The following NET1 variants were observed in gnomAD, a reference collection of about 807,000 sequenced individuals.
The protein encoded by NET1 is neuroepithelial cell transforming 1.
In NET1, 42 loss-of-function variants were observed where a neutral mutation model predicts 61.1. The observed-to-expected ratio is 0.69, with a 90% confidence interval of 0.54 to 0.89. The LOEUF (loss-of-function observed/expected upper bound fraction) is 0.89. Ranked by LOEUF, NET1 falls within the 40% of genes least tolerant of loss-of-function variation. The pLI is 0.00. For synonymous variants in NET1, 254 were observed against 281.8 expected, an observed-to-expected ratio of 0.90 and a Z score of 0.99; for missense variants, 654 against 747.3, an observed-to-expected ratio of 0.88 and a Z score of 1.46.
rs1359515175 is a variant in NET1, at chr10:5,452,481, A to G, written c.487A>G (p.Thr163Ala). The G allele has an allele frequency of 6.2e-6, 10 of 1,614,114 alleles. No individual in the cohort carries two copies. The highest frequency in any genetic ancestry group is 8.5e-6 in the Non-Finnish European group (10 of 1,179,980). Residue 163 changes from threonine to alanine, a missense_variant, in exon 5 of 12, where the codon ACC becomes GCC. Physicochemically the swap from Thr to Ala is moderately conservative, Grantham distance 58. Coordinates refer to ENST00000355029, the MANE Select transcript of NET1 (RefSeq NM_001047160.3). This position sits in a 1 kb window ranked among gnomAD's most constrained non-coding sequence, Gnocchi z 4.0. ...ACTGTGGTCAGAGATGCTGGACATCACCATGAAGGAGTCTCTCACCACCAG... is the reference window on the plus strand; with the variant it reads ...ACTGTGGTCAGAGATGCTGGACATCGCCATGAAGGAGTCTCTCACCACCAG... ...SALWSEMLDI[T>A]MKESLTTREI... is the part of the protein sequence containing the mutation.
Position 5,421,529 on chromosome 10 carries a change from T to C in NET1, c.129-5126T>C, listed in dbSNP as rs772332538. Among the ~76,000 whole-genome samples, 38 of 152,202 alleles carry C rather than the reference T, an allele frequency of 2.5e-4. No individual in the cohort carries two copies. The highest frequency in any genetic ancestry group is 5.4e-4 in the Non-Finnish European group (37 of 68,030). Reference sequence around the variant, plus strand: ...AAAGGTATAGCCTTAAATCAATTCTTGACAACCCAGGATCTTTATTATTAG... The same window carrying C: ...AAAGGTATAGCCTTAAATCAATTCTCGACAACCCAGGATCTTTATTATTAG... On this transcript the variant is annotated intron_variant, in intron 1 of 11. Transcript: ENST00000355029. This position sits in a 1 kb window ranked among gnomAD's most constrained non-coding sequence, Gnocchi z 4.2.
Position 5,446,639 on chromosome 10 carries a change from AT to A in NET1, c.256-5190del. On this transcript the variant is annotated intron_variant, in intron 3 of 11. Coordinates refer to ENST00000355029, the MANE Select transcript of NET1 (RefSeq NM_001047160.3). The surrounding 1 kb of genome is among the most constrained non-coding windows in gnomAD (Gnocchi z 5.0). ...CCTCTGCTCCACCGCGGCGAGAGGCATGGGCACGTGGCTGCCGAGGGTGGCC... is the reference window on the plus strand; with the variant it reads ...CCTCTGCTCCACCGCGGCGAGAGGCAGGGCACGTGGCTGCCGAGGGTGGCC... 7.7e-7 allele frequency: 1 copy of A among 1,290,968 alleles called. No homozygotes were observed. Among genetic ancestry groups the A allele is most frequent in the Non-Finnish European group, 9.9e-7 (1 of 1,014,436 alleles). The allele number at this position is 1,290,968 out of a possible 1,614,324, so 80.0% of individuals were successfully genotyped here.
Position 5,456,670 on chromosome 10 carries a change from G to A in NET1, c.1467G>A (p.Lys489=), listed in dbSNP as rs758258816. The A allele has an allele frequency of 6.8e-6, 11 of 1,613,580 alleles. No homozygotes were observed. The highest frequency in any genetic ancestry group is 1.6e-4 in the Middle Eastern group (1 of 6,062). Residue 489 remains lysine (K), a synonymous_variant, in exon 12 of 12, where the codon AAG becomes AAA. Coordinates refer to ENST00000355029, the MANE Select transcript of NET1 (RefSeq NM_001047160.3). This position sits in a 1 kb window ranked among gnomAD's most constrained non-coding sequence, Gnocchi z 7.0. ...HTLQANDVFH[K]QQWFNCIRAA... is the part of the protein sequence containing the mutation. ...TGCAAGCCAATGACGTGTTCCACAA[G>A]CAGCAGTGGTTCAACTGTATTCGAG...
chr10:5,448,996 T>C (rs1161260321), intron 3 of NET1, among the ~76,000 whole-genome samples: 1 of 152,200 alleles, frequency 6.6e-6, no homozygotes, highest in East Asian at 1.9e-4. Flanking sequence ...AAACTACTTT[T>C]GGTTTCGGCT....
rs372889641 is a variant in NET1 at position 5,419,644 on chromosome 10, ATGGTATTTCTTG to A, written c.128+6826_128+6837del. On this transcript the variant is annotated intron_variant, in intron 1 of 11. Transcript: ENST00000355029. ...CACTGGCTTTCAGCCAGAAATTCTT[ATGGTATTTCTTG>A]TAAGGCAAGTCCGCTACCAACAAAT... Among the ~76,000 whole-genome samples, 657 of 152,154 alleles carry A rather than the reference ATGGTATTTCTTG, an allele frequency of 4.3e-3. 4 individuals carry two copies. The highest frequency in any genetic ancestry group is 0.015 in the African/African-American group (631 of 41,498).
In NET1 at chr10:5,444,076, T is replaced by A. The variant is rs1433523309; in HGVS notation, c.256-7754T>A. 6.6e-6 allele frequency among the ~76,000 whole-genome samples: 1 copy of A among 152,200 alleles called. No homozygotes were observed. The highest frequency in any genetic ancestry group is 1.5e-5 in the Non-Finnish European group (1 of 68,038). ...TCTGAGAATGTAGGTAGATCACTGT[T>A]CTTAAAATTAAGAGTAAAATTAGGA... On this transcript the variant is annotated intron_variant, in intron 3 of 11. Coordinates refer to ENST00000355029, the MANE Select transcript of NET1 (RefSeq NM_001047160.3). The surrounding 1 kb of genome is among the most constrained non-coding windows in gnomAD (Gnocchi z 5.3).
At position 5,444,786 on chromosome 10, in the gene NET1, C is replaced by G. The variant is rs549397718; in HGVS notation, c.256-7044C>G. Among the ~76,000 whole-genome samples the G allele has an allele frequency of 3.9e-5, 6 of 152,326 alleles. No individual in the cohort carries two copies. Among genetic ancestry groups the G allele is most frequent in the African/African-American group, 1.4e-4 (6 of 41,564 alleles). On this transcript the variant is annotated intron_variant, in intron 3 of 11. Coordinates refer to ENST00000355029, the MANE Select transcript of NET1 (RefSeq NM_001047160.3). The surrounding 1 kb of genome is among the most constrained non-coding windows in gnomAD (Gnocchi z 5.3). ...TCTAAATCTAGCCTCCAGCCTCTTT[C>G]AGGTTTTTGTCCAACATTTCCAACT...
chr10:5,456,574 A>G lies in NET1; in HGVS notation c.1385-14A>G, dbSNP rs1376416510. 7.3e-7 allele frequency: 1 copy of G among 1,375,008 alleles called. No individual in the cohort carries two copies. The highest frequency in any genetic ancestry group is 9.8e-7 in the Non-Finnish European group (1 of 1,025,334). 85.2% of individuals were successfully genotyped at this position (1,375,008 alleles called of 1,614,324 possible). A position where few individuals can be genotyped will look rare whatever the true frequency, so the allele number is the denominator to read the frequency against. On this transcript the variant is annotated splice_polypyrimidine_tract_variant and intron_variant, in intron 11 of 11. Transcript: ENST00000355029. This position sits in a 1 kb window ranked among gnomAD's most constrained non-coding sequence, Gnocchi z 7.0. ...TAGCCTGATTTCTTTTTTTTTTCCA[A>G]TTTTTTTTTTCAGCTAAAAATATCT...
In NET1 at chr10:5,415,530, C is replaced by G. The variant is rs1198815913; in HGVS notation, c.128+2710C>G. On this transcript the variant is annotated intron_variant, in intron 1 of 11. Transcript: ENST00000355029. The surrounding 1 kb of genome is among the most constrained non-coding windows in gnomAD (Gnocchi z 4.7). ...TCTCGGCTCACTGCAACCTCCGCCT[C>G]CCGGGTTCAAGTGATTCTCCTGCCT... 6.6e-6 allele frequency among the ~76,000 whole-genome samples: 1 copy of G among 151,974 alleles called. No homozygotes were observed. Among genetic ancestry groups the G allele is most frequent in the Non-Finnish European group, 1.5e-5 (1 of 67,972 alleles).
rs1489070435 is a variant in NET1 at position 5,443,870 on chromosome 10, A to G, written c.256-7960A>G. 6.6e-6 allele frequency among the ~76,000 whole-genome samples: 1 copy of G among 152,246 alleles called. No homozygotes were observed. Among genetic ancestry groups the G allele is most frequent in the Non-Finnish European group, 1.5e-5 (1 of 68,042 alleles). On this transcript the variant is annotated intron_variant, in intron 3 of 11. Coordinates refer to ENST00000355029, the MANE Select transcript of NET1 (RefSeq NM_001047160.3). The surrounding 1 kb of genome is among the most constrained non-coding windows in gnomAD (Gnocchi z 4.8). ...GTGGAAAAACAGTTTCAAGAAAGAC[A>G]TCGGGTAAGAATCCCAGGAGAACTC...
At chr10:5,436,456 G>C (rs117607339) in intron 3 of NET1, among the ~76,000 whole-genome samples, 1 of 149,396 alleles carries the variant, frequency 6.7e-6, no homozygotes, top group African/African-American at 2.5e-5. Flanking sequence ...GAGTGGTATC[G>C]AACTCCTGAC....
rs10904503 is a variant in NET1, at chr10:5,439,987, C to G, written c.255+10758C>G. 0.25 allele frequency among the ~76,000 whole-genome samples: 38,369 copies of G among 152,162 alleles called. 5,114 individuals carry two copies. The highest frequency in any genetic ancestry group is 0.29 in the Non-Finnish European group (19,679 of 67,994). On this transcript the variant is annotated intron_variant, in intron 3 of 11. Transcript: ENST00000355029. The surrounding 1 kb of genome is among the most constrained non-coding windows in gnomAD (Gnocchi z 4.8). Reference sequence around the variant, plus strand: ...TGCCTAGAAGATGCAAGGTGCAACACCTGTCCTTTCCTGTAGCGGGGAGAT... The same window carrying G: ...TGCCTAGAAGATGCAAGGTGCAACAGCTGTCCTTTCCTGTAGCGGGGAGAT...
Position 5,435,091 on chromosome 10 carries a change from CAG to C in NET1, c.255+5866_255+5867del, listed in dbSNP as rs1832407150. On this transcript the variant is annotated intron_variant, in intron 3 of 11. Coordinates refer to ENST00000355029, the MANE Select transcript of NET1 (RefSeq NM_001047160.3). The surrounding 1 kb of genome is among the most constrained non-coding windows in gnomAD (Gnocchi z 5.0). Reference sequence around the variant, plus strand: ...CTTTGAAAATAATGATTGGCTAAAACAGAGATACTCAACCCTGGCTGCAGATC... The same window carrying C: ...CTTTGAAAATAATGATTGGCTAAAACAGATACTCAACCCTGGCTGCAGATC... 6.6e-6 allele frequency among the ~76,000 whole-genome samples: 1 copy of C among 152,102 alleles called. No homozygotes were observed. The highest frequency in any genetic ancestry group is 1.5e-5 in the Non-Finnish European group (1 of 68,022).
In NET1 at chr10:5,426,135, GT is replaced by G. The variant is rs1191402310; in HGVS notation, c.129-518del. Among the ~76,000 whole-genome samples the G allele has an allele frequency of 3.3e-5, 5 of 152,110 alleles. No homozygotes were observed. The highest frequency in any genetic ancestry group is 1.2e-4 in the African/African-American group (5 of 41,440). The stretch of plus-strand genomic sequence containing the variant: ...TCTTGAGATCTTTGTCTCAAATGTA[GT>G]TATTCATAGCTTTGTATTTTGTTTG... On this transcript the variant is annotated intron_variant, in intron 1 of 11. Transcript: ENST00000355029. The surrounding 1 kb of genome is among the most constrained non-coding windows in gnomAD (Gnocchi z 4.6).
intron 3 of NET1, among the ~76,000 whole-genome samples, chr10:5,450,506 C>T (rs1446114246): frequency 6.6e-6 from 1 of 152,048 alleles, no homozygotes; most frequent in African/African-American, 2.4e-5. Context: ...TATTTTTACT[C>T]ATTTTCTACA....
Position 5,446,717 on chromosome 10 carries a change from T to C in NET1, c.256-5113T>C, listed in dbSNP as rs370693450. 1.4e-5 allele frequency: 22 copies of C among 1,534,424 alleles called. No homozygotes were observed. Among genetic ancestry groups the C allele is most frequent in the Non-Finnish European group, 1.9e-5 (22 of 1,131,900 alleles). On this transcript the variant is annotated intron_variant, in intron 3 of 11. Transcript: ENST00000355029. The surrounding 1 kb of genome is among the most constrained non-coding windows in gnomAD (Gnocchi z 5.0). Reference sequence around the variant, plus strand: ...CCTCTGCATAGCGTCGCTACAGCGCTGACTCGGTGTGGATTGATTGGAAAG... The same window carrying C: ...CCTCTGCATAGCGTCGCTACAGCGCCGACTCGGTGTGGATTGATTGGAAAG...
Position 5,454,726 on chromosome 10 carries a change from G to A in NET1, c.1026+204G>A, listed in dbSNP as rs1832769582. Reference sequence around the variant, plus strand: ...CGCACATTTTGTATCTTAAGGGACAGGATTCTCATCTGATCTCACCTTGTC... The same window carrying A: ...CGCACATTTTGTATCTTAAGGGACAAGATTCTCATCTGATCTCACCTTGTC... On this transcript the variant is annotated intron_variant, in intron 9 of 11. Transcript: ENST00000355029. This position sits in a 1 kb window ranked among gnomAD's most constrained non-coding sequence, Gnocchi z 8.1. Among the ~76,000 whole-genome samples, 1 of 152,220 alleles carries A rather than the reference G, an allele frequency of 6.6e-6. No individual in the cohort carries two copies. The highest frequency in any genetic ancestry group is 2.4e-5 in the African/African-American group (1 of 41,456).
chr10:5,445,985 G>C (rs1303914215), intron 3 of NET1, among the ~76,000 whole-genome samples: 1 of 152,040 alleles, frequency 6.6e-6, no homozygotes, highest in Non-Finnish European at 1.5e-5. Context: ...TTTTTAAAAA[G>C]ATCCAGAAAA....
At chr10:5,419,480 C>T (rs1832132707) in intron 1 of NET1, among the ~76,000 whole-genome samples, 1 of 152,098 alleles carries the variant, frequency 6.6e-6, no homozygotes, top group African/African-American at 2.4e-5. Context: ...CTCTATTCCT[C>T]CTTTATTGCT....
Sources: gnomAD v4.1 joint callset for allele counts (sites outside exome capture counted in the v4.1 genomes callset) on GRCh38, gnomAD v4.1.1 for gene constraint, Gnocchi (gnomAD v3.1) non-coding constraint, MANE v1.5 for transcripts, NCBI Gene and HGNC (gene_info 2026-07-23, HGNC 2026-07-21) for gene names.